The following LFNG variants were observed in gnomAD, a reference collection of about 807,000 sequenced individuals.
The protein encoded by LFNG is beta-1,3-N-acetylglucosaminyltransferase lunatic fringe.
A neutral mutation model predicts 32.7 loss-of-function variants in LFNG; 15 were observed. The ratio of observed to expected loss-of-function variants is 0.46; its 90% confidence interval spans 0.31 to 0.71. The LOEUF (loss-of-function observed/expected upper bound fraction) is 0.71, where lower values mean the gene tolerates loss of function less well. Ranked by LOEUF, LFNG falls within the 30% of genes least tolerant of loss-of-function variation. The pLI is 0.06. For missense variants in LFNG, 520 were observed against 545.7 expected (o/e 0.95, Z 0.47); for synonymous variants, 274 against 246.8 (o/e 1.11, Z -1.03).
Position 2,528,192 on chromosome 7 carries a change from G to A in LFNG, c.*980G>A. The A allele has an allele frequency of 1.0e-6, 1 of 985,768 alleles. No individual in the cohort carries two copies. Among genetic ancestry groups the A allele is most frequent in the Non-Finnish European group, 1.2e-6 (1 of 829,930 alleles). 61.1% of individuals were successfully genotyped at this position (985,768 alleles called of 1,614,324 possible). On this transcript the variant is annotated 3_prime_UTR_variant, in exon 8 of 8. Transcript: ENST00000222725. ...GAAGTGGGACTGTCTGGCACTCTGT[G>A]TATTTATGCGTTCCAGCATCTGGAA... is the stretch of plus-strand genomic sequence containing the variant.
chr7:2,521,324 C>T (rs926002460), intron 1 of LFNG, among the ~76,000 whole-genome samples: 1 of 134,246 alleles, frequency 7.4e-6, no homozygotes, highest in South Asian at 2.7e-4. Context: ...AGGGGCTCAG[C>T]GGGCTGGCGG....
At chr7:2,512,701 G>A (rs1779523211) in exon 1 of LFNG, 4 of 1,613,744 alleles carry the variant, frequency 2.5e-6, no homozygotes, top group Admixed American at 1.7e-5. Context: ...TATTGTATGA[G>A]GTGGGCCTCA....
chr7:2,513,930 A>C (rs1779550042), upstream of LFNG, among the ~76,000 whole-genome samples: 1 of 152,242 alleles, frequency 6.6e-6, no homozygotes, highest in Non-Finnish European at 1.5e-5. Flanking sequence ...CCTGGTGTGG[A>C]CAAGCCCTGG....
At chr7:2,522,448 C>T (rs1271120155) in intron 1 of LFNG, among the ~76,000 whole-genome samples, 5 of 152,200 alleles carry the variant, frequency 3.3e-5, no homozygotes, top group Non-Finnish European at 5.9e-5. Context: ...CCCCGCCCCT[C>T]CCAGGAGCAG....
intron 1 of LFNG, chr7:2,523,756 T>C (rs1779860381): frequency 6.6e-6 from 1 of 152,142 alleles, no homozygotes; most frequent in Non-Finnish European, 1.5e-5. Context: ...GCCTGAGCAG[T>C]GGGAGGGGTG....
rs1780027500 is a variant in LFNG, at chr7:2,527,445, G to A, written c.*233G>A. The A allele has an allele frequency of 7.0e-7, 1 of 1,432,876 alleles. No individual in the cohort carries two copies. Among genetic ancestry groups the A allele is most frequent in the African/African-American group, 1.4e-5 (1 of 70,228 alleles). The allele number at this position is 1,432,876 out of a possible 1,614,324, so 88.8% of individuals were successfully genotyped here. On this transcript the variant is annotated 3_prime_UTR_variant, in exon 8 of 8. Transcript: ENST00000222725. This position sits in a 1 kb window ranked among gnomAD's most constrained non-coding sequence, Gnocchi z 4.4. ...CCACTTATGTGCCTCTGCTCCGAGG[G>A]CCAGTGGGCTGCAGGGCCTGCTTGG... is the stretch of plus-strand genomic sequence containing the variant.
chr7:2,525,281 G>T lies in LFNG; in HGVS notation c.544G>T (p.Ala182Ser). 5 of 1,613,028 alleles carry T rather than the reference G, an allele frequency of 3.1e-6. No individual in the cohort carries two copies. The highest frequency in any genetic ancestry group is 3.4e-6 in the Non-Finnish European group (4 of 1,179,912). The change falls in exon 3 of 8, where the codon GCC becomes TCC. Residue 182 changes from alanine to serine, a missense_variant. Coordinates refer to ENST00000222725, the MANE Select transcript of LFNG (RefSeq NM_001040167.2). ...CCGCCAGGCGCTGTCCTGCAAGATG[G>T]CCGTGGAGTATGACCGCTTCATCGA... The part of the protein sequence containing the change: ...HSRQALSCKM[A>S]VEYDRFIESG...
chr7:2,516,174 C>G (rs1398099393), upstream of LFNG, among the ~76,000 whole-genome samples: 1 of 152,260 alleles, frequency 6.6e-6, no homozygotes, highest in African/African-American at 2.4e-5. Flanking sequence ...GCCACAGCCA[C>G]CACCATGCTG....
chr7:2,524,703 C>T lies in LFNG; in HGVS notation c.441C>T (p.Ile147=). The change falls in exon 2 of 8, where the codon ATC becomes ATT. Residue 147 remains isoleucine (I), a synonymous_variant. Transcript: ENST00000222725. ...CGATTTTCTCCTTCCAGACGTTCAT[C>T]TTCACTGACGGGGAAGATGAGGCCC... The part of the protein sequence containing the change: ...WISRHKEMTF[I]FTDGEDEALA... 3 of 1,588,614 alleles carry T rather than the reference C, an allele frequency of 1.9e-6. No individual in the cohort carries two copies. Among genetic ancestry groups the T allele is most frequent in the Non-Finnish European group, 2.6e-6 (3 of 1,167,648 alleles).
downstream of LFNG, among the ~76,000 whole-genome samples, chr7:2,528,713 A>C (rs1194751967): frequency 6.6e-6 from 1 of 152,152 alleles, no homozygotes; most frequent in African/African-American, 2.4e-5. Context: ...TCTAGGTCCC[A>C]GCCAAAAGCA....
At chr7:2,514,552 GTCCA>G (rs71026525), upstream of LFNG, among the ~76,000 whole-genome samples, 1 of 148,026 alleles carries the variant, frequency 6.8e-6, no homozygotes, top group Non-Finnish European at 1.5e-5. Context: ...CCATCCATCT[GTCCA>G]TCCATCCATC....
chr7:2,512,778 A>G, intron 1 of LFNG: 2 of 1,321,982 alleles, frequency 1.5e-6, no homozygotes, highest in South Asian at 1.2e-5. Context: ...GGAGCCCCCT[A>G]TGTCTCCCCC....
upstream of LFNG, among the ~76,000 whole-genome samples, chr7:2,514,541 C>G (rs1297954965): frequency 7.1e-6 from 1 of 140,068 alleles, no homozygotes; most frequent in African/African-American, 2.7e-5. Flanking sequence ...CATCCATCCA[C>G]CCATCCATCT....
At position 2,525,544 on chromosome 7, in the gene LFNG, G is replaced by A. The variant is rs1269913102; in HGVS notation, c.712G>A (p.Glu238Lys). 6.2e-7 allele frequency: 1 copy of A among 1,612,450 alleles called. No homozygotes were observed. The highest frequency in any genetic ancestry group is 1.1e-5 in the South Asian group (1 of 91,050). ...CCTGGACAGGCCCATCCAGGCCATGGAGCGGGTCAGCGAGAACAAGGTGGT... is the reference window on the plus strand; with the variant it reads ...CCTGGACAGGCCCATCCAGGCCATGAAGCGGGTCAGCGAGAACAAGGTGGT... ...PSLDRPIQAMERVSENKVRPV... is the reference protein window; with the variant it reads ...PSLDRPIQAMKRVSENKVRPV... Residue 238 changes from glutamate (E) to lysine (K), a missense_variant, in exon 4 of 8, where the codon GAG becomes AAG. Around this residue, in one of 3 missense-constraint regions of LFNG, gnomAD observed 360 missense variants for 354.7 expected, o/e 1.01. Coordinates refer to ENST00000222725, the MANE Select transcript of LFNG (RefSeq NM_001040167.2).
chr7:2,527,055 G>A lies in LFNG; in HGVS notation c.1074-91G>A, dbSNP rs181353385. 1,546 of 1,460,190 alleles carry A rather than the reference G, an allele frequency of 1.1e-3. 16 individuals carry two copies. In the African/African-American group the frequency reaches 0.017, roughly 16 times the overall value. The allele number at this position is 1,460,190 out of a possible 1,614,324, so 90.5% of individuals were successfully genotyped here. A position where few individuals can be genotyped will look rare whatever the true frequency, so the allele number is the denominator to read the frequency against. ...GTGTCCCCCGGAGTCCTGCTTGCTC[G>A]GGGTGGGGCCGCCAGTGTTGTGGGA... On this transcript the variant is annotated intron_variant, in intron 7 of 7. Transcript: ENST00000222725. The surrounding 1 kb of genome is among the most constrained non-coding windows in gnomAD (Gnocchi z 4.4).
chr7:2,513,641 G>A (rs1779542802), upstream of LFNG, among the ~76,000 whole-genome samples: 1 of 152,164 alleles, frequency 6.6e-6, no homozygotes, highest in African/African-American at 2.4e-5. Context: ...CCTGGGGCCT[G>A]ACAGGCACCA....
At chr7:2,518,530 T>C (rs1779686710), upstream of LFNG, 2 of 1,202,620 alleles carry the variant, frequency 1.7e-6, no homozygotes, top group Non-Finnish European at 2.5e-6. Context: ...ACCTACTATG[T>C]CCCAAAACCT....
At chr7:2,525,025 G>A (rs569225033) in intron 2 of LFNG, among the ~76,000 whole-genome samples, 194 bp from the exon 3 acceptor site, 15 of 152,354 alleles carry the variant, frequency 9.8e-5, no homozygotes, top group African/African-American at 1.9e-4. Context: ...GGGCGGGGCC[G>A]CCCTGGAAGG....
Position 2,527,731 on chromosome 7 carries a change from T to C in LFNG, c.*519T>C. ...CTGGGGGTGCGTGACCCAATCCCCT[T>C]CCTCCTGGCCTGGACGCTGTGGCTT... is the stretch of plus-strand genomic sequence containing the variant. On this transcript the variant is annotated 3_prime_UTR_variant, in exon 8 of 8. Coordinates refer to ENST00000222725, the MANE Select transcript of LFNG (RefSeq NM_001040167.2). The surrounding 1 kb of genome is among the most constrained non-coding windows in gnomAD (Gnocchi z 4.4). 5.8e-6 allele frequency: 6 copies of C among 1,040,374 alleles called. No homozygotes were observed. Among genetic ancestry groups the C allele is most frequent in the Non-Finnish European group, 7.0e-6 (6 of 861,252 alleles). The allele number at this position is 1,040,374 out of a possible 1,614,324, so 64.4% of individuals were successfully genotyped here. A position where few individuals can be genotyped will look rare whatever the true frequency, so the allele number is the denominator to read the frequency against.
Sources: allele counts gnomAD v4.1 joint callset (sites outside exome capture counted in the v4.1 genomes callset), GRCh38; gene constraint gnomAD v4.1.1; regional missense constraint gnomAD v4.1.1; non-coding constraint Gnocchi (gnomAD v3.1); transcripts MANE v1.5; gene names NCBI Gene and HGNC (gene_info 2026-07-23, HGNC 2026-07-21).